The following PROSER3 variants were observed in gnomAD, a reference collection of about 807,000 sequenced individuals.
PROSER3 encodes proline and serine rich 3, also known as proline and serine-rich protein 3.
In PROSER3, 33 loss-of-function variants were observed where a neutral mutation model predicts 50.2. That is an observed-to-expected ratio of 0.66 (90% CI 0.50 to 0.88). The LOEUF (loss-of-function observed/expected upper bound fraction) is 0.88, where lower values mean the gene tolerates loss of function less well. Among genes scored for constraint, PROSER3 ranks in the 40% least tolerant of loss-of-function variants. PROSER3 has a pLI of 0.00. For missense variants in PROSER3, 623 were observed against 612.7 expected (o/e 1.02, Z -0.18); for synonymous variants, 266 against 259.3 (o/e 1.03, Z -0.25).
chr19:35,770,549 G>A (rs1971298065), downstream of PROSER3, among the ~76,000 whole-genome samples: 1 of 152,200 alleles, frequency 6.6e-6, no homozygotes, highest in Admixed American at 6.5e-5. Flanking sequence ...TGCAGAGGAA[G>A]TGATGCAGCT....
At chr19:35,763,088 G>A (rs561373049) in intron 5 of PROSER3, 5 of 151,992 alleles carry the variant, frequency 3.3e-5, no homozygotes, top group Admixed American at 3.3e-4. Context: ...AAACAGAAAA[G>A]GAGGATTTGC....
exon 3 of PROSER3, chr19:35,759,983 G>C (rs1443579519): frequency 3.1e-6 from 5 of 1,590,118 alleles, no homozygotes. Context: ...GGGACTCCGT[G>C]GTGGCCAAGT....
intron 5 of PROSER3, among the ~76,000 whole-genome samples, chr19:35,764,632 G>C (rs1971075265): frequency 6.6e-6 from 1 of 151,476 alleles, no homozygotes; most frequent in South Asian, 2.1e-4. Context: ...CTCCAGCCTG[G>C]GCAACAAGTG....
At chr19:35,764,611 G>A (rs546150234) in intron 5 of PROSER3, among the ~76,000 whole-genome samples, 14 of 151,306 alleles carry the variant, frequency 9.3e-5, no homozygotes, top group Non-Finnish European at 1.6e-4. Flanking sequence ...AGCCGAGATC[G>A]TGCCATTGCA....
At chr19:35,766,493 C>T (rs746458048) in intron 7 of PROSER3, among the ~76,000 whole-genome samples, 15 of 152,124 alleles carry the variant, frequency 9.9e-5, no homozygotes, top group Non-Finnish European at 1.8e-4. Flanking sequence ...CTGCAGTGAT[C>T]GCACCACTGC....
Position 35,768,319 on chromosome 19 carries a change from TCC to T in PROSER3, c.1302-82_1302-81del, listed in dbSNP as rs201564926. 7.4e-3 allele frequency: 11,703 copies of T among 1,579,092 alleles called. 69 individuals carry two copies. The highest frequency in any genetic ancestry group is 8.0e-3 in the Admixed American group (464 of 58,104). ...CCGGTTAGGCATCCAGCCCTCCTCA[TCC>T]CCTGTCCCAGCAGTCCGTCCACAGC... On this transcript the variant is annotated intron_variant, in intron 10 of 10. Coordinates refer to ENST00000396908, the Ensembl canonical transcript of PROSER3.
chr19:35,760,022 G>C, intron 3 of PROSER3, 31 bp downstream of exon 3: 8 of 1,514,256 alleles, frequency 5.3e-6, no homozygotes, highest in Non-Finnish European at 7.1e-6. Flanking sequence ...GGGAAAAAGA[G>C]GCTTTGGGTT....
intron 3 of PROSER3, among the ~76,000 whole-genome samples, chr19:35,761,762 GA>G (rs948716515): frequency 3.0e-4 from 46 of 152,244 alleles, no homozygotes; most frequent in African/African-American, 1.1e-3. Flanking sequence ...CCAGGAGGCT[GA>G]GGAGAGAGGA....
At chr19:35,767,727 G>GATCTCCGAAAGTCCAGGCCACACAACCC (rs1971202214) in intron 8 of PROSER3, 1 of 1,527,214 alleles carries the variant, frequency 6.5e-7, no homozygotes, top group African/African-American at 1.4e-5. Flanking sequence ...CCCAAGGCTG[G>GATCTCCGAAAGTCCAGGCCACACAACCC]ATCTCCGAAA....
intron 2 of PROSER3, 118 bp downstream of exon 2, chr19:35,759,588 G>T: frequency 9.2e-7 from 1 of 1,088,970 alleles, no homozygotes; most frequent in Non-Finnish European, 1.3e-6. Context: ...ACAGCCCCTT[G>T]TCCCCTCCCC....
intron 3 of PROSER3, among the ~76,000 whole-genome samples, chr19:35,761,567 C>T (rs1186926686): frequency 6.6e-6 from 1 of 152,106 alleles, no homozygotes; most frequent in Non-Finnish European, 1.5e-5. Context: ...GAGGCTGAGG[C>T]AGAAGAATCA....
exon 9 of PROSER3, chr19:35,767,957 T>G (rs749385801): frequency 1.2e-6 from 2 of 1,609,952 alleles, no homozygotes; most frequent in East Asian, 4.5e-5. Context: ...GCCGCCAGCC[T>G]TCCAGGTGGG....
intron 3 of PROSER3, 116 bp from the exon 4 acceptor site, chr19:35,761,903 G>A (rs1317886370): frequency 1.6e-6 from 2 of 1,228,886 alleles, no homozygotes; most frequent in Non-Finnish European, 2.2e-6. Flanking sequence ...AGCAGATATT[G>A]AGGGATAGCT....
At chr19:35,770,322 G>T (rs535712222), downstream of PROSER3, among the ~76,000 whole-genome samples, 2 of 152,220 alleles carry the variant, frequency 1.3e-5, no homozygotes, top group East Asian at 3.9e-4. Context: ...ACAGATGTGA[G>T]CCACCGCACC....
downstream of PROSER3, among the ~76,000 whole-genome samples, chr19:35,770,275 T>C (rs985570746): frequency 2.6e-5 from 4 of 151,714 alleles, no homozygotes; most frequent in African/African-American, 9.7e-5. Context: ...TAACCTCAGG[T>C]GTCCCACCCA....
chr19:35,765,238 C>T (rs1971106347), intron 7 of PROSER3, 62 bp downstream of exon 7: 10 of 1,553,154 alleles, frequency 6.4e-6, no homozygotes, highest in Non-Finnish European at 8.8e-6. Flanking sequence ...CTGCCACTGA[C>T]CAGCTATGGG....
intron 5 of PROSER3, among the ~76,000 whole-genome samples, chr19:35,763,400 T>G (rs1971022852): frequency 6.6e-6 from 1 of 150,708 alleles, no homozygotes; most frequent in African/African-American, 2.4e-5. Flanking sequence ...GAGATGGGAT[T>G]TCACCGTGTT....
chr19:35,758,283 A>G (rs1209616309), intron 1 of PROSER3, 57 bp downstream of exon 1: 4 of 1,546,024 alleles, frequency 2.6e-6, no homozygotes, highest in Non-Finnish European at 3.5e-6. Flanking sequence ...CAACGGCGAG[A>G]GCAGCACAGC....
At chr19:35,764,672 A>G (rs554920450) in intron 5 of PROSER3, among the ~76,000 whole-genome samples, 182 bp from the exon 6 acceptor site, 2 of 152,132 alleles carry the variant, frequency 1.3e-5, no homozygotes, top group African/African-American at 2.4e-5. Flanking sequence ...AAAAGAAAAA[A>G]AAAAAGGTGC....
Sources: allele counts gnomAD v4.1 joint callset (sites outside exome capture counted in the v4.1 genomes callset), GRCh38; gene constraint gnomAD v4.1.1; transcripts MANE v1.5; gene names NCBI Gene and HGNC (gene_info 2026-07-23, HGNC 2026-07-21).